The following RSU1 variants were observed in gnomAD, a reference collection of about 807,000 sequenced individuals.
The protein encoded by RSU1 is Ras suppressor protein 1, also known as rsu-1.
RSU1 carries 26 observed loss-of-function variants against 31.1 expected under a neutral mutation model. The observed-to-expected ratio is 0.84, with a 90% CI of 0.61 to 1.16. RSU1 has a LOEUF of 1.16. Among genes scored for constraint, RSU1 ranks in the 50% most tolerant of loss-of-function variants. RSU1 has a pLI of 0.00. For synonymous variants in RSU1, 164 were observed against 136.3 expected, an observed-to-expected ratio of 1.20 and a Z score of -1.41; for missense variants, 320 against 339.1, an observed-to-expected ratio of 0.94 and a Z score of 0.44.
rs117476748 is a variant in RSU1, at chr10:16,668,301, A to G, written c.731+26722T>C. 2.2e-4 allele frequency among the ~76,000 whole-genome samples: 33 copies of G among 152,330 alleles called. No individual in the cohort carries two copies. In the East Asian group the frequency reaches 6.0e-3, roughly 28 times the overall value. On this transcript the variant is annotated intron_variant, in intron 8 of 8. Coordinates refer to ENST00000345264, the MANE Select transcript of RSU1 (RefSeq NM_012425.4). ...AGTGATCAGGGTAGACTCCCAAAGG[A>G]AAGTGATAAAAGACCTAAAATCTGC...
At chr10:16,746,365 T>C (rs569575806) in intron 7 of RSU1, among the ~76,000 whole-genome samples, 32 of 152,350 alleles carry the variant, frequency 2.1e-4, no homozygotes, top group African/African-American at 7.0e-4. Context: ...CACTTTGTTT[T>C]GTTGCATGCC....
chr10:16,680,897 C>T (rs985703255), intron 8 of RSU1, among the ~76,000 whole-genome samples: 64 of 152,180 alleles, frequency 4.2e-4, no homozygotes, highest in African/African-American at 1.4e-3. Context: ...AGGGAAAGGG[C>T]TGAGCTCAGT....
At chr10:16,811,643 CTTT>C (rs1196073103) in intron 2 of RSU1, among the ~76,000 whole-genome samples, 4 of 152,328 alleles carry the variant, frequency 2.6e-5, no homozygotes, top group South Asian at 4.1e-4. Flanking sequence ...TACACCTCTT[CTTT>C]GTTTCAATGA....
intron 8 of RSU1, among the ~76,000 whole-genome samples, chr10:16,594,734 CAT>C (rs1453969696): frequency 1.6e-4 from 23 of 143,478 alleles, no homozygotes; most frequent in South Asian, 6.4e-4. Flanking sequence ...GATAATATAT[CAT>C]ATATATCATA....
At chr10:16,649,570 A>G (rs1173817952) in intron 8 of RSU1, among the ~76,000 whole-genome samples, 1 of 152,196 alleles carries the variant, frequency 6.6e-6, no homozygotes, top group Non-Finnish European at 1.5e-5. Context: ...TACCTTGCAA[A>G]TCAGCGACAA....
At chr10:16,679,825 C>A (rs1000139373) in intron 8 of RSU1, among the ~76,000 whole-genome samples, 2 of 148,780 alleles carry the variant, frequency 1.3e-5, no homozygotes, top group African/African-American at 5.0e-5. Flanking sequence ...GGCAAAGATA[C>A]GGTGATGGAA....
chr10:16,594,072 G>A (rs951167868), intron 8 of RSU1, among the ~76,000 whole-genome samples: 7 of 152,238 alleles, frequency 4.6e-5, no homozygotes, highest in Admixed American at 1.3e-4. Context: ...AGCTGGCTCC[G>A]TGGCTGAGAG....
At chr10:16,752,437 G>A (rs1836997367) in intron 7 of RSU1, 102 bp downstream of exon 7, 8 of 801,166 alleles carry the variant, frequency 1.0e-5, no homozygotes, top group South Asian at 3.1e-5. Flanking sequence ...CCTAGGTGGA[G>A]AGTAGTTGCC....
intron 7 of RSU1, among the ~76,000 whole-genome samples, chr10:16,719,323 C>G (rs759346580): frequency 6.6e-6 from 1 of 152,034 alleles, no homozygotes; most frequent in Non-Finnish European, 1.5e-5. Context: ...CAAAAACAAA[C>G]CAGAAAAACC....
intron 8 of RSU1, among the ~76,000 whole-genome samples, chr10:16,622,724 A>G (rs151236826): frequency 6.6e-6 from 1 of 152,342 alleles, no homozygotes; most frequent in African/African-American, 2.4e-5. Flanking sequence ...ACCACGGCCC[A>G]GGATCAAGGT....
chr10:16,786,200 G>T (rs1837788915), intron 2 of RSU1, among the ~76,000 whole-genome samples: 2 of 152,228 alleles, frequency 1.3e-5, no homozygotes. Flanking sequence ...AAGGTCAAGA[G>T]CATTGGTGCT....
At chr10:16,740,658 C>A (rs751695469) in intron 7 of RSU1, among the ~76,000 whole-genome samples, 1 of 152,146 alleles carries the variant, frequency 6.6e-6, no homozygotes, top group East Asian at 1.9e-4. Flanking sequence ...CCACTGTCTT[C>A]CCACATACTA....
intron 7 of RSU1, among the ~76,000 whole-genome samples, chr10:16,719,340 T>G (rs114210745): frequency 0.013 from 1,940 of 152,180 alleles, 43 homozygotes; most frequent in African/African-American, 0.044. Context: ...AACCCCAATG[T>G]CATTCAAAAT....
At chr10:16,711,983 G>A (rs1013906721) in intron 7 of RSU1, among the ~76,000 whole-genome samples, 13 of 152,214 alleles carry the variant, frequency 8.5e-5, no homozygotes, top group Middle Eastern at 3.4e-3. Context: ...ACCTTTATGT[G>A]CAATCATGTT....
intron 4 of RSU1, among the ~76,000 whole-genome samples, chr10:16,760,153 C>G (rs1190550074): frequency 6.6e-6 from 1 of 152,208 alleles, no homozygotes. Context: ...ACAGCACCGA[C>G]AGCCAAAAAT....
intron 4 of RSU1, among the ~76,000 whole-genome samples, chr10:16,763,115 G>C (rs1402412322): frequency 6.6e-6 from 1 of 152,138 alleles, no homozygotes; most frequent in Non-Finnish European, 1.5e-5. Context: ...ATGAACATAT[G>C]ACTTTGCACA....
intron 8 of RSU1, among the ~76,000 whole-genome samples, chr10:16,694,663 T>G (rs138549911): frequency 1.3e-5 from 2 of 152,166 alleles, no homozygotes; most frequent in Admixed American, 1.3e-4. Flanking sequence ...CTCAATGTCC[T>G]GGGCTCAAGT....
chr10:16,616,389 A>C (rs868582872), intron 8 of RSU1, among the ~76,000 whole-genome samples: 6,454 of 135,958 alleles, frequency 0.047, 468 homozygotes, highest in African/African-American at 0.18. Context: ...AAAAAAAAAA[A>C]AAAAAACCCC....
chr10:16,759,864 A>G (rs1237619678), intron 4 of RSU1, among the ~76,000 whole-genome samples: 1 of 131,324 alleles, frequency 7.6e-6, no homozygotes, highest in Non-Finnish European at 1.6e-5. Flanking sequence ...AAAAACTTTG[A>G]AAGCAAATTC....
Sources: gnomAD v4.1 joint callset for allele counts (sites outside exome capture counted in the v4.1 genomes callset) on GRCh38, gnomAD v4.1.1 for gene constraint, MANE v1.5 for transcripts, NCBI Gene and HGNC (gene_info 2026-07-23, HGNC 2026-07-21) for gene names.